Variants in B3GLCT observed in about 807,000 individuals in gnomAD.
B3GLCT encodes the protein beta 3-glucosyltransferase, also known as beta-1,3-glucosyltransferase.
In B3GLCT, 65 loss-of-function variants were observed where a neutral mutation model predicts 63.4. The observed-to-expected ratio is 1.03, with a 90% confidence interval of 0.84 to 1.26. The LOEUF is 1.26. Among genes scored for constraint, B3GLCT ranks in the 50% most tolerant of loss-of-function variants. The pLI, the probability that B3GLCT is intolerant of heterozygous loss-of-function variation, is 0.00. For synonymous variants in B3GLCT, 233 were observed against 219.2 expected (o/e 1.06, Z -0.55); for missense variants, 577 against 604.8 (o/e 0.95, Z 0.48).
In B3GLCT at chr13:31,205,696, G is replaced by A. The variant is rs79032159; in HGVS notation, c.70+5542G>A. Among the ~76,000 whole-genome samples the A allele has an allele frequency of 1.5e-3, 233 of 152,262 alleles. 2 individuals carry two copies. Among genetic ancestry groups the A allele is most frequent in the African/African-American group, 5.3e-3 (220 of 41,538 alleles). On this transcript the variant is annotated intron_variant, in intron 1 of 14. Transcript: ENST00000343307. ...GTTCCACTGCACTTGGCTGTTTTAT[G>A]TTTGTTTGTTTTTAAGGAAGAGAGT...
rs1009871082 is a variant in B3GLCT, at chr13:31,321,095, C to T, written c.1185-2656C>T. 4.6e-5 allele frequency among the ~76,000 whole-genome samples: 7 copies of T among 152,334 alleles called. No homozygotes were observed. The South Asian group carries it at 1.4e-3, about 32-fold the overall frequency. Reference sequence around the variant, plus strand: ...TGTTTCATTTCTCGTTATTTCCTCGCTTCTTAGCATAGGGACTCATGTTTT... The same window carrying T: ...TGTTTCATTTCTCGTTATTTCCTCGTTTCTTAGCATAGGGACTCATGTTTT... On this transcript the variant is annotated intron_variant, in intron 13 of 14. Coordinates refer to ENST00000343307, the MANE Select transcript of B3GLCT (RefSeq NM_194318.4).
chr13:31,223,504 T>A (rs2175465), intron 3 of B3GLCT, among the ~76,000 whole-genome samples: 5 of 152,098 alleles, frequency 3.3e-5, no homozygotes, highest in Admixed American at 3.3e-4. Flanking sequence ...AAGCCGTTAC[T>A]CCTTCCTTTG....
chr13:31,209,345 G>A (rs958157564), intron 1 of B3GLCT, among the ~76,000 whole-genome samples: 4 of 152,186 alleles, frequency 2.6e-5, no homozygotes, highest in African/African-American at 7.2e-5. Flanking sequence ...TTGGCTATGC[G>A]CCATGCATCC....
intron 10 of B3GLCT, among the ~76,000 whole-genome samples, chr13:31,277,519 T>C (rs1458518878): frequency 6.6e-6 from 1 of 152,178 alleles, no homozygotes; most frequent in Non-Finnish European, 1.5e-5. Flanking sequence ...GTGCGTATTT[T>C]AATTTTTTTC....
intron 12 of B3GLCT, among the ~76,000 whole-genome samples, chr13:31,316,491 C>T (rs918051318): frequency 5.6e-5 from 8 of 142,860 alleles, no homozygotes; most frequent in African/African-American, 7.7e-5. Context: ...TGCAATGGCA[C>T]GATCTTGACT....
At chr13:31,285,662 T>A (rs1873291796) in intron 11 of B3GLCT, among the ~76,000 whole-genome samples, 3 of 151,592 alleles carry the variant, frequency 2.0e-5, no homozygotes, top group Non-Finnish European at 4.4e-5. Flanking sequence ...ATACAGTAAT[T>A]TATCTTATTT....
At chr13:31,227,127 G>A (rs1870141447) in intron 3 of B3GLCT, among the ~76,000 whole-genome samples, 1 of 152,090 alleles carries the variant, frequency 6.6e-6, no homozygotes, top group South Asian at 2.1e-4. Context: ...TGTAGTACTG[G>A]TTAATTTTTA....
At chr13:31,295,082 G>GTCTGC (rs563642027) in intron 12 of B3GLCT, among the ~76,000 whole-genome samples, 285 of 152,182 alleles carry the variant, frequency 1.9e-3, no homozygotes, top group African/African-American at 6.5e-3. Flanking sequence ...TCTACTGTAG[G>GTCTGC]TCTGCTCGAG....
rs117415401 is a variant in B3GLCT at position 31,204,232 on chromosome 13, G to A, written c.70+4078G>A. 9.7e-3 allele frequency among the ~76,000 whole-genome samples: 1,481 copies of A among 152,316 alleles called. 16 individuals are homozygous for A. Among genetic ancestry groups the A allele is most frequent in the Middle Eastern group, 0.041 (12 of 294 alleles). ...GGAGCCATCTTGCACCCCAGGGAAC[G>A]TTTGTTGCTGTCTGGATACTTTTTG... On this transcript the variant is annotated intron_variant, in intron 1 of 14. Coordinates refer to ENST00000343307, the MANE Select transcript of B3GLCT (RefSeq NM_194318.4).
At chr13:31,276,235 TTAAAG>T (rs1173784860) in intron 9 of B3GLCT, among the ~76,000 whole-genome samples, 1 of 152,168 alleles carries the variant, frequency 6.6e-6, no homozygotes, top group Non-Finnish European at 1.5e-5. Flanking sequence ...GTTTTCAACA[TTAAAG>T]TAAGGCCAGG....
chr13:31,279,620 G>A (rs113271210), intron 10 of B3GLCT, among the ~76,000 whole-genome samples: 2,381 of 152,280 alleles, frequency 0.016, 64 homozygotes, highest in African/African-American at 0.054. Flanking sequence ...GGCAGGGCGA[G>A]ATCACAGGAC....
At chr13:31,211,220 C>A (rs1398356182) in intron 1 of B3GLCT, among the ~76,000 whole-genome samples, 1 of 152,110 alleles carries the variant, frequency 6.6e-6, no homozygotes, top group African/African-American at 2.4e-5. Context: ...CATGGCAAAA[C>A]CCCATCTCTA....
At chr13:31,300,486 T>C (rs553145148) in intron 12 of B3GLCT, among the ~76,000 whole-genome samples, 1 of 152,334 alleles carries the variant, frequency 6.6e-6, no homozygotes, top group East Asian at 1.9e-4. Context: ...AGTTATTACT[T>C]AAAGTAGTCT....
At chr13:31,287,318 G>T (rs1873384443) in intron 12 of B3GLCT, among the ~76,000 whole-genome samples, 2 of 152,126 alleles carry the variant, frequency 1.3e-5, no homozygotes, top group Non-Finnish European at 2.9e-5. Context: ...CCGATGCTGG[G>T]GAAAGACCCA....
At chr13:31,245,578 T>C (rs1240261475) in intron 4 of B3GLCT, among the ~76,000 whole-genome samples, 2 of 152,190 alleles carry the variant, frequency 1.3e-5, no homozygotes, top group African/African-American at 2.4e-5. Flanking sequence ...TATAAAGTTT[T>C]CATCATAATT....
chr13:31,267,389 G>T (rs759833311), intron 7 of B3GLCT, among the ~76,000 whole-genome samples: 4 of 152,206 alleles, frequency 2.6e-5, no homozygotes, highest in Non-Finnish European at 4.4e-5. Flanking sequence ...GATTTTGAAG[G>T]CATGTGGCAT....
intron 12 of B3GLCT, among the ~76,000 whole-genome samples, chr13:31,300,532 T>C (rs1874171798): frequency 1.3e-5 from 2 of 151,996 alleles, no homozygotes; most frequent in Admixed American, 6.6e-5. Flanking sequence ...TTTTGGATAA[T>C]TGGGTGGGCA....
At chr13:31,214,391 G>A (rs1243435922) in intron 1 of B3GLCT, among the ~76,000 whole-genome samples, 1 of 152,184 alleles carries the variant, frequency 6.6e-6, no homozygotes, top group Non-Finnish European at 1.5e-5. Context: ...TATTTTTAAT[G>A]CAGAGCCTAA....
At chr13:31,314,313 C>T (rs770310325) in intron 12 of B3GLCT, among the ~76,000 whole-genome samples, 1 of 152,138 alleles carries the variant, frequency 6.6e-6, no homozygotes, top group Non-Finnish European at 1.5e-5. Context: ...CTGGAAGAGC[C>T]GCAGACACTC....
Sources: allele counts gnomAD v4.1 joint callset (sites outside exome capture counted in the v4.1 genomes callset), GRCh38; gene constraint gnomAD v4.1.1; transcripts MANE v1.5; gene names NCBI Gene and HGNC (gene_info 2026-07-23, HGNC 2026-07-21).